GNAL: variants seen among roughly 807,000 people sequenced by gnomAD.
The protein encoded by GNAL is guanine nucleotide-binding protein G(olf) subunit alpha.
A neutral mutation model predicts 55.1 loss-of-function variants in GNAL; 18 were observed. That is an observed-to-expected ratio of 0.33 (90% CI 0.23 to 0.48). The LOEUF is 0.48. Among genes scored for constraint, GNAL ranks in the 20% least tolerant of loss-of-function variants. The probability of loss-of-function intolerance (pLI) is 0.99; values close to 1 mark genes in which losing one functional copy is unlikely to be tolerated. For missense variants in GNAL, 412 were observed against 614.1 expected, an observed-to-expected ratio of 0.67 and a Z score of 3.48; for synonymous variants, 253 against 237.0, an observed-to-expected ratio of 1.07 and a Z score of -0.62.
intron 4 of GNAL, among the ~76,000 whole-genome samples, chr18:11,803,701 CGGTG>C (rs2034580100): frequency 8.9e-6 from 1 of 111,948 alleles, no homozygotes; most frequent in African/African-American, 3.4e-5. Context: ...TATTGTGTAG[CGGTG>C]AAATACAGGT....
At chr18:11,690,996 A>C (rs2031230035) in intron 1 of GNAL, among the ~76,000 whole-genome samples, 1 of 148,196 alleles carries the variant, frequency 6.7e-6, no homozygotes, top group Non-Finnish European at 1.5e-5. Context: ...GGCTGGGTCA[A>C]ATGGTATTTC....
chr18:11,871,231 TTG>T (rs1181849840), intron 9 of GNAL, among the ~76,000 whole-genome samples: 1 of 151,772 alleles, frequency 6.6e-6, no homozygotes, highest in Non-Finnish European at 1.5e-5. Context: ...GGAAAGTGGA[TTG>T]TGTGTGTGGG....
intron 1 of GNAL, among the ~76,000 whole-genome samples, chr18:11,697,163 C>G (rs2031437660): frequency 1.3e-5 from 2 of 152,254 alleles, no homozygotes; most frequent in South Asian, 4.1e-4. Flanking sequence ...GAGCCAGGAT[C>G]AAGCCCAGGC....
At chr18:11,734,143 T>C (rs997871107) in intron 1 of GNAL, among the ~76,000 whole-genome samples, 3 of 148,576 alleles carry the variant, frequency 2.0e-5, no homozygotes, top group Non-Finnish European at 3.0e-5. Flanking sequence ...TTTCTTTTTC[T>C]TTTTCTTTTT....
At chr18:11,857,529 G>C (rs981316660) in intron 5 of GNAL, 76 of 985,214 alleles carry the variant, frequency 7.7e-5, no homozygotes, top group Non-Finnish European at 8.4e-5. Flanking sequence ...AGGAGGAAGC[G>C]CAGGAGTCAT....
intron 4 of GNAL, among the ~76,000 whole-genome samples, chr18:11,790,659 T>C (rs1249207273): frequency 4.1e-4 from 25 of 61,704 alleles, no homozygotes; most frequent in African/African-American, 1.3e-3. Context: ...TTCTTTTTTT[T>C]TCTTTTTTTT....
chr18:11,692,000 A>G (rs1042288406), intron 1 of GNAL, among the ~76,000 whole-genome samples: 2 of 151,878 alleles, frequency 1.3e-5, no homozygotes, highest in Non-Finnish European at 2.9e-5. Context: ...GGTTCTATGC[A>G]CTCTACCGTA....
chr18:11,844,468 T>A (rs2035688092), intron 5 of GNAL, among the ~76,000 whole-genome samples: 3 of 152,176 alleles, frequency 2.0e-5, no homozygotes, highest in Non-Finnish European at 4.4e-5. Flanking sequence ...TCAGGATACA[T>A]GGTTCCTGGA....
Position 11,689,555 on chromosome 18 carries a change from C to T in GNAL, c.-9C>T. Reference sequence around the variant, plus strand: ...GTCCCGCGCGCCGCCCCCGCTGTGCCGCGCCCACATGGGTCTGTGCTACAG... The same window carrying T: ...GTCCCGCGCGCCGCCCCCGCTGTGCTGCGCCCACATGGGTCTGTGCTACAG... On this transcript the variant is annotated 5_prime_UTR_variant, in exon 1 of 12. Transcript: ENST00000334049. 1 of 1,233,034 alleles carries T rather than the reference C, an allele frequency of 8.1e-7. No homozygotes were observed. The highest frequency in any genetic ancestry group is 1.0e-6 in the Non-Finnish European group (1 of 982,694). 76.4% of individuals were successfully genotyped at this position (1,233,034 alleles called of 1,614,324 possible). A position where few individuals can be genotyped will look rare whatever the true frequency, so the allele number is the denominator to read the frequency against.
intron 11 of GNAL, among the ~76,000 whole-genome samples, chr18:11,879,596 G>A (rs1455853731): frequency 2.0e-5 from 3 of 152,062 alleles, no homozygotes; most frequent in Non-Finnish European, 4.4e-5. Context: ...TCATTTTACC[G>A]TAATTGCCTC....
intron 5 of GNAL, among the ~76,000 whole-genome samples, chr18:11,833,125 A>G (rs1040446929): frequency 1.4e-4 from 21 of 151,134 alleles, no homozygotes; most frequent in Admixed American, 3.3e-4. Flanking sequence ...TCAGCCTCCC[A>G]GGTTCAAGAG....
chr18:11,869,707 A>G (rs938504273), intron 9 of GNAL, among the ~76,000 whole-genome samples: 1 of 151,916 alleles, frequency 6.6e-6, no homozygotes, highest in African/African-American at 2.4e-5. Flanking sequence ...GAGCTCAGGA[A>G]TTGGAGACCA....
At chr18:11,748,822 G>A (rs2032747997) in intron 1 of GNAL, among the ~76,000 whole-genome samples, 1 of 151,896 alleles carries the variant, frequency 6.6e-6, no homozygotes, top group Non-Finnish European at 1.5e-5. Context: ...TCAAAAAAAA[G>A]CACAGACACA....
intron 4 of GNAL, among the ~76,000 whole-genome samples, chr18:11,755,060 A>G (rs1472492660): frequency 1.3e-5 from 2 of 151,578 alleles, no homozygotes; most frequent in African/African-American, 2.4e-5. Flanking sequence ...GTCTTTCAAA[A>G]TTTGTATTGC....
At chr18:11,870,585 C>T (rs1302278645) in intron 9 of GNAL, among the ~76,000 whole-genome samples, 1 of 152,062 alleles carries the variant, frequency 6.6e-6, no homozygotes, top group Non-Finnish European at 1.5e-5. Context: ...AGGACATCCA[C>T]TAATAACTAG....
At chr18:11,735,530 C>CT (rs2032441476) in intron 1 of GNAL, among the ~76,000 whole-genome samples, 1 of 151,946 alleles carries the variant, frequency 6.6e-6, no homozygotes, top group South Asian at 2.1e-4. Context: ...GCAGGAGAAT[C>CT]ACTTGAGCCC....
chr18:11,812,717 G>T (rs2034848818), intron 4 of GNAL, among the ~76,000 whole-genome samples: 1 of 151,920 alleles, frequency 6.6e-6, no homozygotes, highest in African/African-American at 2.4e-5. Context: ...GGTGGCGCAT[G>T]CCTGTAATCC....
At chr18:11,800,540 G>A (rs1398381794) in intron 4 of GNAL, among the ~76,000 whole-genome samples, 1 of 152,206 alleles carries the variant, frequency 6.6e-6, no homozygotes, top group East Asian at 1.9e-4. Context: ...GGAAAAGGAG[G>A]TATATGTCCT....
chr18:11,810,565 G>C (rs915363015), intron 4 of GNAL: 1 of 152,282 alleles, frequency 6.6e-6, no homozygotes, highest in Non-Finnish European at 1.5e-5. Context: ...GTCCCAGCTC[G>C]TCACCTGGAA....
Sources: allele counts gnomAD v4.1 joint callset (sites outside exome capture counted in the v4.1 genomes callset), GRCh38; gene constraint gnomAD v4.1.1; transcripts MANE v1.5; gene names NCBI Gene and HGNC (gene_info 2026-07-23, HGNC 2026-07-21).